The following HSD17B11 variants were observed in gnomAD, a reference collection of about 807,000 sequenced individuals.
HSD17B11 encodes estradiol 17-beta-dehydrogenase 11.
Under a neutral mutation model 27.8 loss-of-function variants are expected in HSD17B11, and 22 were observed. The observed-to-expected ratio is 0.79, with a 90% CI of 0.56 to 1.13. The LOEUF is 1.13. HSD17B11 is among the 50% of genes most tolerant of loss of function. The pLI is 0.00. For synonymous variants in HSD17B11, 117 were observed against 132.8 expected, an observed-to-expected ratio of 0.88 and a Z score of 0.82; for missense variants, 314 against 351.1, an observed-to-expected ratio of 0.89 and a Z score of 0.84.
rs556762237 is a variant in HSD17B11 at position 87,359,885 on chromosome 4, A to G, written c.558-2469T>C. The stretch of plus-strand genomic sequence containing the variant: ...CTCCAAGCAAATTAAGAGGCAAGTG[A>G]CAAACTGGTAAAGCATTTGCAACAT... On this transcript the variant is annotated intron_variant, in intron 4 of 6. Coordinates refer to ENST00000358290, the MANE Select transcript of HSD17B11 (RefSeq NM_016245.5). Among the ~76,000 whole-genome samples, 138 of 152,326 alleles carry G rather than the reference A, an allele frequency of 9.1e-4. 2 individuals carry two copies. The South Asian group carries it at 0.027, about 30-fold the overall frequency.
rs1735696738 is a variant in HSD17B11 at position 87,370,750 on chromosome 4, T to C, written c.557+1959A>G. Among the ~76,000 whole-genome samples, 2 of 3,396 alleles carry C rather than the reference T, an allele frequency of 5.9e-4. 1 individual carries two copies. Among genetic ancestry groups the C allele is most frequent in the Non-Finnish European group, 9.0e-4 (2 of 2,234 alleles). The allele number at this position is 3,396 out of a possible 152,430, so 2.2% of individuals were successfully genotyped here. A position where few individuals can be genotyped will look rare whatever the true frequency, so the allele number is the denominator to read the frequency against. On this transcript the variant is annotated intron_variant, in intron 4 of 6. Coordinates refer to ENST00000358290, the MANE Select transcript of HSD17B11 (RefSeq NM_016245.5). ...ATTATTATTATTATTATTATTATTA[T>C]TATTATTTTTTTTTTTTTTTGAGAC...
At chr4:87,359,697 A>G (rs536676165) in intron 4 of HSD17B11, among the ~76,000 whole-genome samples, 1 of 152,278 alleles carries the variant, frequency 6.6e-6, no homozygotes, top group South Asian at 2.1e-4. Context: ...AATCTTCATA[A>G]TACCCCTATA....
At chr4:87,379,161 T>C (rs1031748848) in intron 2 of HSD17B11, among the ~76,000 whole-genome samples, 1 of 148,444 alleles carries the variant, frequency 6.7e-6, no homozygotes, top group Non-Finnish European at 1.5e-5. Flanking sequence ...TTCATCATAT[T>C]GGCCAGGCTG....
chr4:87,385,599 A>G (rs1720293786), intron 1 of HSD17B11, among the ~76,000 whole-genome samples: 1 of 152,210 alleles, frequency 6.6e-6, no homozygotes, highest in South Asian at 2.1e-4. Context: ...ATATTTTACC[A>G]TATTTTAAAA....
In HSD17B11 at chr4:87,360,902, T is replaced by C. The variant is rs377502860; in HGVS notation, c.558-3486A>G. Among the ~76,000 whole-genome samples the C allele has an allele frequency of 2.0e-5, 3 of 152,232 alleles. No individual in the cohort carries two copies. In the East Asian group the frequency reaches 5.8e-4, roughly 29 times the overall value. ...AAAACGATGTTGCACATAATATTTA[T>C]TAACATATATTATTTTAAATTAAGA... is the stretch of plus-strand genomic sequence containing the variant. On this transcript the variant is annotated intron_variant, in intron 4 of 6. Transcript: ENST00000358290.
chr4:87,345,782 T>A (rs1052576050), intron 5 of HSD17B11, among the ~76,000 whole-genome samples: 1 of 152,116 alleles, frequency 6.6e-6, no homozygotes, highest in South Asian at 2.1e-4. Flanking sequence ...CTGAGATCTT[T>A]AATAAGAGAT....
chr4:87,343,550 T>TC (rs1735212128), intron 5 of HSD17B11, among the ~76,000 whole-genome samples: 1 of 148,982 alleles, frequency 6.7e-6, no homozygotes, highest in East Asian at 2.0e-4. Context: ...TTCAACTCTT[T>TC]TTTTTTTTTT....
At chr4:87,378,847 T>TATATAA (rs1720006371) in intron 2 of HSD17B11, among the ~76,000 whole-genome samples, 1 of 30,024 alleles carries the variant, frequency 3.3e-5, no homozygotes, top group East Asian at 3.7e-4. Context: ...TATATATAAA[T>TATATAA]ATATATATAA....
intron 4 of HSD17B11, among the ~76,000 whole-genome samples, chr4:87,365,273 G>A (rs1735594245): frequency 6.6e-6 from 1 of 152,186 alleles, no homozygotes; most frequent in Admixed American, 6.5e-5. Context: ...ACTTAGAAAA[G>A]TAAGTGCGTA....
intron 6 of HSD17B11, among the ~76,000 whole-genome samples, chr4:87,339,014 G>C (rs1423102746): frequency 6.6e-6 from 1 of 152,138 alleles, no homozygotes; most frequent in Non-Finnish European, 1.5e-5. Context: ...CACAAACTTT[G>C]AGTCTTTATG....
intron 5 of HSD17B11, among the ~76,000 whole-genome samples, chr4:87,344,348 G>C (rs562531965): frequency 1.5e-4 from 23 of 152,252 alleles, no homozygotes; most frequent in African/African-American, 5.3e-4. Flanking sequence ...AAAATGATCA[G>C]AACACTCAAT....
intron 4 of HSD17B11, among the ~76,000 whole-genome samples, chr4:87,358,536 C>T (rs60911410): frequency 0.052 from 7,876 of 152,130 alleles, 697 homozygotes; most frequent in African/African-American, 0.18. Flanking sequence ...TCATATGTCA[C>T]ACAAAGCATT....
At chr4:87,364,971 C>T (rs188448649) in intron 4 of HSD17B11, among the ~76,000 whole-genome samples, 37 of 152,268 alleles carry the variant, frequency 2.4e-4, no homozygotes, top group African/African-American at 8.2e-4. Flanking sequence ...GAGTTCAAGA[C>T]CAGCCTGGCC....
At chr4:87,379,860 ATGTATT>A (rs1720085713) in intron 2 of HSD17B11, among the ~76,000 whole-genome samples, 1 of 126,380 alleles carries the variant, frequency 7.9e-6, no homozygotes, top group African/African-American at 3.4e-5. Context: ...GTATATGTAT[ATGTATT>A]ATACTATTAA....
chr4:87,378,960 A>ATTT (rs781211835), intron 2 of HSD17B11, among the ~76,000 whole-genome samples: 1 of 25,624 alleles, frequency 3.9e-5, no homozygotes, highest in Non-Finnish European at 6.5e-5. Flanking sequence ...ATATATATAT[A>ATTT]TTTTTTTTTT....
intron 4 of HSD17B11, among the ~76,000 whole-genome samples, chr4:87,370,759 T>A (rs55775401): frequency 0.032 from 1,969 of 62,146 alleles, 445 homozygotes; most frequent in African/African-American, 0.18. Context: ...ATTATTATTT[T>A]TTTTTTTTTT....
At chr4:87,360,198 T>C (rs1308873273) in intron 4 of HSD17B11, among the ~76,000 whole-genome samples, 1 of 140,018 alleles carries the variant, frequency 7.1e-6, no homozygotes, top group African/African-American at 2.6e-5. Flanking sequence ...TCTTTTCTTT[T>C]TAAGGCTTCA....
chr4:87,354,501 G>A (rs1234739830), intron 5 of HSD17B11, among the ~76,000 whole-genome samples: 1 of 151,842 alleles, frequency 6.6e-6, no homozygotes, highest in Non-Finnish European at 1.5e-5. Flanking sequence ...AATTAGCCAG[G>A]TGTGGGGACA....
chr4:87,369,647 C>T (rs1735673879), intron 4 of HSD17B11, among the ~76,000 whole-genome samples: 1 of 152,126 alleles, frequency 6.6e-6, no homozygotes, highest in East Asian at 1.9e-4. Context: ...GTTACCCAAG[C>T]TATTCTTGAA....
Sources: gnomAD v4.1 joint callset for allele counts (sites outside exome capture counted in the v4.1 genomes callset) on GRCh38, gnomAD v4.1.1 for gene constraint, MANE v1.5 for transcripts, NCBI Gene and HGNC (gene_info 2026-07-23, HGNC 2026-07-21) for gene names.